The following TLN2 variants were observed in gnomAD, a reference collection of about 807,000 sequenced individuals.
TLN2 encodes the protein talin-2.
In TLN2, 118 loss-of-function variants were observed where a neutral mutation model predicts 294.7. The ratio of observed to expected loss-of-function variants is 0.40; its 90% CI spans 0.34 to 0.47. The LOEUF is 0.47. Ranked by LOEUF, TLN2 falls within the 20% of genes least tolerant of loss-of-function variation. TLN2 has a pLI of 0.84. For missense variants in TLN2, 3,083 were observed against 3,282.2 expected (o/e 0.94, Z 1.48); for synonymous variants, 1,431 against 1,304.5 (o/e 1.10, Z -2.09).
intron 1 of TLN2, among the ~76,000 whole-genome samples, chr15:62,481,668 T>C (rs868472133): frequency 1.3e-5 from 2 of 152,112 alleles, no homozygotes; most frequent in East Asian, 1.9e-4. Context: ...GCCAAGAAAG[T>C]GCTTTTTTTT....
intron 1 of TLN2, among the ~76,000 whole-genome samples, chr15:62,566,120 G>A (rs1042776402): frequency 3.3e-5 from 5 of 152,044 alleles, no homozygotes; most frequent in African/African-American, 1.2e-4. Context: ...CATGGCAAAT[G>A]TTCCATTAGA....
rs2070956032 is a variant in TLN2 at position 62,843,917 on chromosome 15, TG to T, written c.*3310del. 6.6e-6 allele frequency: 1 copy of T among 152,202 alleles called. No homozygotes were observed. The highest frequency in any genetic ancestry group is 1.5e-5 in the Non-Finnish European group (1 of 68,076). The allele number at this position is 152,202 out of a possible 1,614,324, so 9.4% of individuals were successfully genotyped here. On this transcript the variant is annotated 3_prime_UTR_variant, in exon 59 of 59. Coordinates refer to ENST00000636159, the MANE Select transcript of TLN2 (RefSeq NM_015059.3). ...ATCTTCTCTCCCAGCTTTGAGGTTCTGGGCTCTGGAAAGGCCTCTGGGATGC... is the reference window on the plus strand; with the variant it reads ...ATCTTCTCTCCCAGCTTTGAGGTTCTGGCTCTGGAAAGGCCTCTGGGATGC...
chr15:62,443,347 A>C (rs1199178158), intron 1 of TLN2, among the ~76,000 whole-genome samples: 1 of 152,152 alleles, frequency 6.6e-6, no homozygotes, highest in African/African-American at 2.4e-5. Context: ...CTAATATAAA[A>C]CTTTAATTTG....
chr15:62,533,901 G>A lies in TLN2; in HGVS notation c.-237-55786G>A, dbSNP rs1208794002. Among the ~76,000 whole-genome samples, 3 of 152,328 alleles carry A rather than the reference G, an allele frequency of 2.0e-5. No individual in the cohort carries two copies. The East Asian group carries it at 5.8e-4, about 29-fold the overall frequency. ...CATCTGGTAGCTTTTAGGCTCAGGT[G>A]ATTGGCTGCTGTTTGCTTATGGTGT... On this transcript the variant is annotated intron_variant, in intron 1 of 58. Coordinates refer to ENST00000636159, the MANE Select transcript of TLN2 (RefSeq NM_015059.3).
intron 1 of TLN2, among the ~76,000 whole-genome samples, chr15:62,579,128 T>C (rs1217008832): frequency 1.3e-5 from 2 of 152,056 alleles, no homozygotes; most frequent in African/African-American, 4.8e-5. Context: ...CACAATATAC[T>C]GAGAAGAGGA....
At chr15:62,430,146 G>A (rs2034938649) in intron 1 of TLN2, among the ~76,000 whole-genome samples, 1 of 152,174 alleles carries the variant, frequency 6.6e-6, no homozygotes, top group Non-Finnish European at 1.5e-5. Context: ...TACATATTCT[G>A]AACACTTATT....
intron 1 of TLN2, among the ~76,000 whole-genome samples, chr15:62,555,348 T>G (rs1043161363): frequency 1.3e-5 from 2 of 152,212 alleles, no homozygotes; most frequent in Admixed American, 6.5e-5. Context: ...AACCTTTTTT[T>G]GTCTGAAGAT....
At chr15:62,837,750 T>C (rs754832328) in intron 57 of TLN2, among the ~76,000 whole-genome samples, 5 of 152,224 alleles carry the variant, frequency 3.3e-5, no homozygotes, top group Non-Finnish European at 7.3e-5. Flanking sequence ...ATAAACCCTT[T>C]GGCAAATAAG....
rs780192304 is a variant in TLN2, at chr15:62,697,722, G to A, written c.1327G>A (p.Gly443Arg). 18 of 1,604,898 alleles carry A rather than the reference G, an allele frequency of 1.1e-5. No individual in the cohort carries two copies. Among genetic ancestry groups the A allele is most frequent in the African/African-American group, 9.4e-5 (7 of 74,710 alleles). ...TILQQQFNRT[G>R]KAEHGSVALP... ...CTTGCAGCAGCAGTTCAACCGGACCGGGAAGGCAGAGCACGGCTCAGTGGC... is the reference window on the plus strand; with the variant it reads ...CTTGCAGCAGCAGTTCAACCGGACCAGGAAGGCAGAGCACGGCTCAGTGGC... Residue 443 changes from glycine (G) to arginine (R), a missense_variant, in exon 15 of 59, where the codon GGG becomes AGG. Transcript: ENST00000636159.
intron 1 of TLN2, among the ~76,000 whole-genome samples, chr15:62,399,182 C>T (rs1024035429): frequency 2.2e-4 from 28 of 126,410 alleles, no homozygotes; most frequent in East Asian, 1.1e-3. Context: ...GCCTAGATTT[C>T]GGAGGCTGTA....
At chr15:62,743,197 A>G (rs2061434069) in intron 32 of TLN2, among the ~76,000 whole-genome samples, 1 of 152,124 alleles carries the variant, frequency 6.6e-6, no homozygotes, top group South Asian at 2.1e-4. Context: ...TCATAGTCTC[A>G]GTCCTCAGTC....
intron 1 of TLN2, among the ~76,000 whole-genome samples, chr15:62,566,308 G>A (rs2043389646): frequency 6.6e-6 from 1 of 151,962 alleles, no homozygotes; most frequent in South Asian, 2.1e-4. Context: ...AACATTTTTG[G>A]TGTGCCAGAG....
chr15:62,449,040 AATG>A (rs1238704682), intron 1 of TLN2, among the ~76,000 whole-genome samples: 1 of 152,198 alleles, frequency 6.6e-6, no homozygotes, highest in Non-Finnish European at 1.5e-5. Context: ...GTGTAGTAAA[AATG>A]ATAACTGATT....
At chr15:62,733,674 A>G (rs149501569) in intron 28 of TLN2, among the ~76,000 whole-genome samples, 1 of 152,242 alleles carries the variant, frequency 6.6e-6, no homozygotes, top group Non-Finnish European at 1.5e-5. Flanking sequence ...AGCAACCATT[A>G]TGTAGAATGC....
chr15:62,681,851 C>T (rs896319197), intron 11 of TLN2, among the ~76,000 whole-genome samples: 3 of 152,164 alleles, frequency 2.0e-5, no homozygotes, highest in Admixed American at 1.3e-4. Flanking sequence ...AATGTAGTGG[C>T]GTGATCATGG....
intron 45 of TLN2, among the ~76,000 whole-genome samples, chr15:62,789,186 A>G (rs2064904561): frequency 6.6e-6 from 1 of 152,182 alleles, no homozygotes; most frequent in Non-Finnish European, 1.5e-5. Context: ...GTGCAGACAC[A>G]CATGCAAGAT....
At chr15:62,497,417 T>C (rs934901988) in intron 1 of TLN2, among the ~76,000 whole-genome samples, 3 of 152,216 alleles carry the variant, frequency 2.0e-5, no homozygotes, top group African/African-American at 4.8e-5. Context: ...TTAGATCCTC[T>C]CTGGGTGATT....
chr15:62,693,969 T>TTTG (rs1555473883), intron 13 of TLN2, among the ~76,000 whole-genome samples: 5 of 5,740 alleles, frequency 8.7e-4, no homozygotes, highest in African/African-American at 1.1e-3. Context: ...TTTTTTTTTT[T>TTTG]TTTTTTTTTT....
chr15:62,442,409 G>A (rs1436055066), intron 1 of TLN2, among the ~76,000 whole-genome samples: 1 of 148,010 alleles, frequency 6.8e-6, no homozygotes, highest in Non-Finnish European at 1.5e-5. Context: ...TAAGAGAATC[G>A]CTTGAACCTG....
Sources: gnomAD v4.1 joint callset for allele counts (sites outside exome capture counted in the v4.1 genomes callset) on GRCh38, gnomAD v4.1.1 for gene constraint, MANE v1.5 for transcripts, NCBI Gene and HGNC (gene_info 2026-07-23, HGNC 2026-07-21) for gene names.